PALS1: variants seen among roughly 807,000 people sequenced by gnomAD.
PALS1 encodes the protein protein PALS1.
PALS1 carries 31 observed loss-of-function variants against 78.9 expected under a neutral mutation model. The ratio of observed to expected loss-of-function variants is 0.39; its 90% CI spans 0.30 to 0.53. PALS1 has a LOEUF of 0.53. PALS1 is among the 20% of genes least tolerant of loss of function. The pLI, the probability that PALS1 is intolerant of heterozygous loss-of-function variation, is 0.67. For missense variants in PALS1, 704 were observed against 826.5 expected, an observed-to-expected ratio of 0.85 and a Z score of 1.82; for synonymous variants, 276 against 270.9, an observed-to-expected ratio of 1.02 and a Z score of -0.18.
intron 1 of PALS1, among the ~76,000 whole-genome samples, chr14:67,265,782 G>A (rs770714095): frequency 2.3e-4 from 35 of 150,428 alleles, no homozygotes; most frequent in Non-Finnish European, 4.7e-4. Context: ...ACTTGAACCC[G>A]GGAGGTGGCA....
chr14:67,292,265 A>G (rs1204653996), intron 3 of PALS1, among the ~76,000 whole-genome samples: 1 of 152,136 alleles, frequency 6.6e-6, no homozygotes, highest in Non-Finnish European at 1.5e-5. Flanking sequence ...TTGTTTTTAT[A>G]TTGAATGTGT....
At chr14:67,288,040 C>T (rs1184836355) in intron 3 of PALS1, among the ~76,000 whole-genome samples, 1 of 151,988 alleles carries the variant, frequency 6.6e-6, no homozygotes, top group Admixed American at 6.5e-5. Flanking sequence ...AATCTGAGGC[C>T]CTCAGTCTTT....
At chr14:67,270,592 T>C (rs937622567) in intron 2 of PALS1, 1 of 151,720 alleles carries the variant, frequency 6.6e-6, no homozygotes, top group African/African-American at 2.4e-5. Context: ...AAGGACTTTT[T>C]TTTTTTTTTT....
At chr14:67,291,249 G>A (rs1186139797) in intron 3 of PALS1, among the ~76,000 whole-genome samples, 1 of 148,846 alleles carries the variant, frequency 6.7e-6, no homozygotes, top group Non-Finnish European at 1.5e-5. Context: ...TTTTTTTTGA[G>A]ATGGAGTCTT....
chr14:67,252,658 C>T (rs1171393764), intron 1 of PALS1, among the ~76,000 whole-genome samples: 1 of 152,082 alleles, frequency 6.6e-6, no homozygotes, highest in East Asian at 1.9e-4. Context: ...GACACCCAGT[C>T]GGTGTCCAGA....
chr14:67,284,548 A>AT (rs2084652722), intron 3 of PALS1, among the ~76,000 whole-genome samples: 1 of 46,334 alleles, frequency 2.2e-5, no homozygotes, highest in Admixed American at 2.3e-4. Flanking sequence ...CTGCAGTGCT[A>AT]AAAAAAAAAA....
In PALS1 at chr14:67,323,782, A is replaced by C; in HGVS notation, c.1821A>C (p.Ala607=). The C allele has an allele frequency of 6.3e-7, 1 of 1,592,160 alleles. No individual in the cohort carries two copies. The highest frequency in any genetic ancestry group is 8.6e-7 in the Non-Finnish European group (1 of 1,169,438). ...CCCCTTCACAAGAAAGACTTCGGGC[A>C]TTATTGGCCAAAGAAGGCAAGAATC... is the stretch of plus-strand genomic sequence containing the variant. ...IAPPSQERLR[A]LLAKEGKNPK... The change falls in exon 14 of 15, where the codon GCA becomes GCC. Residue 607 remains alanine, a synonymous_variant. Transcript: ENST00000261681.
At chr14:67,286,659 C>A (rs544947005) in intron 3 of PALS1, among the ~76,000 whole-genome samples, 1 of 150,474 alleles carries the variant, frequency 6.6e-6, no homozygotes, top group Admixed American at 6.6e-5. Flanking sequence ...AGTTGCAGAT[C>A]AGCCTGGGCA....
chr14:67,285,367 T>A (rs1193899781), intron 3 of PALS1, among the ~76,000 whole-genome samples: 2 of 96,948 alleles, frequency 2.1e-5, no homozygotes, highest in South Asian at 4.1e-4. Context: ...CTTAGGTAAA[T>A]TTTTTTTTTT....
chr14:67,247,825 C>T (rs1039178865), intron 1 of PALS1, among the ~76,000 whole-genome samples: 8 of 152,048 alleles, frequency 5.3e-5, no homozygotes, highest in Non-Finnish European at 2.9e-5. Flanking sequence ...GCGATCTGCC[C>T]ACCTCAGCCT....
At chr14:67,284,178 T>C (rs2084642390) in intron 3 of PALS1, among the ~76,000 whole-genome samples, 1 of 152,148 alleles carries the variant, frequency 6.6e-6, no homozygotes, top group Non-Finnish European at 1.5e-5. Context: ...CTGTAGTCCA[T>C]AAAATTTGTG....
At chr14:67,305,315 C>T (rs929998585) in intron 8 of PALS1, among the ~76,000 whole-genome samples, 1 of 151,660 alleles carries the variant, frequency 6.6e-6, no homozygotes, top group African/African-American at 2.4e-5. Flanking sequence ...GGATCTGGCT[C>T]TATTATCCAG....
chr14:67,297,502 C>T (rs1274344290), intron 4 of PALS1, among the ~76,000 whole-genome samples: 1 of 152,028 alleles, frequency 6.6e-6, no homozygotes, highest in African/African-American at 2.4e-5. Context: ...GAAATTTATT[C>T]TATACATGAT....
chr14:67,314,568 G>A (rs995264273), intron 9 of PALS1, among the ~76,000 whole-genome samples: 2 of 152,152 alleles, frequency 1.3e-5, no homozygotes, highest in Admixed American at 1.3e-4. Flanking sequence ...TGGAGTGTTG[G>A]GTAGCCATTG....
At chr14:67,294,797 G>C (rs111815794) in intron 4 of PALS1, 5,382 of 151,878 alleles carry the variant, frequency 0.035, 142 homozygotes, top group Non-Finnish European at 0.055. Flanking sequence ...CTCAGCCTTC[G>C]GAGTAGCTGG....
At chr14:67,317,234 G>A (rs2085189460) in intron 10 of PALS1, among the ~76,000 whole-genome samples, 174 bp from the exon 11 acceptor site, 1 of 152,116 alleles carries the variant, frequency 6.6e-6, no homozygotes. Context: ...AGACTGAGGC[G>A]GGAGGATCAC....
chr14:67,317,781 A>C (rs890431006), intron 11 of PALS1, among the ~76,000 whole-genome samples: 3 of 152,240 alleles, frequency 2.0e-5, no homozygotes, highest in African/African-American at 7.2e-5. Flanking sequence ...AGTAAAAACT[A>C]TGTCCTCTAC....
chr14:67,315,556 A>G (rs2085157536), intron 9 of PALS1, among the ~76,000 whole-genome samples: 1 of 152,204 alleles, frequency 6.6e-6, no homozygotes, highest in African/African-American at 2.4e-5. Context: ...GATTACAGGC[A>G]TAAGCCACTG....
chr14:67,295,110 T>TGTGTGTGC (rs138922550), intron 4 of PALS1: 23,046 of 150,018 alleles, frequency 0.15, 3,292 homozygotes, highest in East Asian at 0.38. Flanking sequence ...TTGAAGTGTG[T>TGTGTGTGC]GTGTGTGTGT....
Sources: allele counts gnomAD v4.1 joint callset (sites outside exome capture counted in the v4.1 genomes callset), GRCh38; gene constraint gnomAD v4.1.1; transcripts MANE v1.5; gene names NCBI Gene and HGNC (gene_info 2026-07-23, HGNC 2026-07-21).